F13A1: variants seen among roughly 807,000 people sequenced by gnomAD.
F13A1 encodes the protein coagulation factor XIII A chain, also known as FSF, A subunit.
A neutral mutation model predicts 80.1 loss-of-function variants in F13A1; 47 were observed. The observed-to-expected ratio is 0.59, with a 90% CI of 0.46 to 0.75. The LOEUF is 0.75. Ranked by LOEUF, F13A1 falls within the 30% of genes least tolerant of loss-of-function variation. The pLI, the probability that F13A1 is intolerant of heterozygous loss-of-function variation, is 0.00. For missense variants in F13A1, 817 were observed against 930.4 expected, an observed-to-expected ratio of 0.88 and a Z score of 1.59; for synonymous variants, 349 against 344.9, an observed-to-expected ratio of 1.01 and a Z score of -0.13.
At position 6,226,081 on chromosome 6, in the gene F13A1, G is replaced by A. The variant is rs1757272321; in HGVS notation, c.799-1221C>T. 5.3e-5 allele frequency among the ~76,000 whole-genome samples: 8 copies of A among 152,356 alleles called. No individual in the cohort carries two copies. The South Asian group carries it at 1.7e-3, about 32-fold the overall frequency. On this transcript the variant is annotated intron_variant, in intron 6 of 14. Coordinates refer to ENST00000264870, the MANE Select transcript of F13A1 (RefSeq NM_000129.4). Reference sequence around the variant, plus strand: ...GTTTACATAGTAAAACAAAGGCCAAGAGGTAACAGTTTCAAGGCATCTTGC... The same window carrying A: ...GTTTACATAGTAAAACAAAGGCCAAAAGGTAACAGTTTCAAGGCATCTTGC...
rs77149559 is a variant in F13A1 at position 6,198,389 on chromosome 6, T to C, written c.1113-1063A>G. The stretch of plus-strand genomic sequence containing the variant: ...CCCTCAGCACTATAGAAAATGTTCA[T>C]ATAGTAATAAAGAAAGATTTAATAA... On this transcript the variant is annotated intron_variant, in intron 8 of 14. Coordinates refer to ENST00000264870, the MANE Select transcript of F13A1 (RefSeq NM_000129.4). Among the ~76,000 whole-genome samples, 1,459 of 152,304 alleles carry C rather than the reference T, an allele frequency of 9.6e-3. 27 individuals carry two copies. Among genetic ancestry groups the C allele is most frequent in the African/African-American group, 0.034 (1,405 of 41,558 alleles).
At chr6:6,161,725 G>A (rs1352378145) in intron 13 of F13A1, among the ~76,000 whole-genome samples, 1 of 152,158 alleles carries the variant, frequency 6.6e-6, no homozygotes, top group African/African-American at 2.4e-5. Flanking sequence ...CTGTTTCCAT[G>A]TGAGGATCAC....
chr6:6,191,805 C>T (rs761668150), intron 10 of F13A1, among the ~76,000 whole-genome samples: 1 of 152,252 alleles, frequency 6.6e-6, no homozygotes, highest in Non-Finnish European at 1.5e-5. Context: ...CTTCCTGGCA[C>T]TGGACCCTAG....
At chr6:6,193,586 C>CAAATTGT in intron 10 of F13A1, among the ~76,000 whole-genome samples, 1 of 152,366 alleles carries the variant, frequency 6.6e-6, no homozygotes, top group Non-Finnish European at 1.5e-5. Flanking sequence ...CTCTGTCAGA[C>CAAATTGT]ACGCCTCTGC....
chr6:6,190,243 C>G (rs1414421703), intron 10 of F13A1, among the ~76,000 whole-genome samples: 1 of 152,214 alleles, frequency 6.6e-6, no homozygotes, highest in East Asian at 1.9e-4. Flanking sequence ...CGTTCTCCGT[C>G]CAGCTTTGTT....
At chr6:6,148,577 G>A (rs561105367) in intron 14 of F13A1, among the ~76,000 whole-genome samples, 5 of 152,128 alleles carry the variant, frequency 3.3e-5, no homozygotes, top group African/African-American at 4.8e-5. Context: ...TGGATCTGGC[G>A]CTCCTAGATC....
chr6:6,312,672 C>T (rs544188807), intron 2 of F13A1, among the ~76,000 whole-genome samples: 4 of 149,646 alleles, frequency 2.7e-5, no homozygotes, highest in Admixed American at 1.3e-4. Context: ...AGCAAGACTC[C>T]GTCTCAAAAC....
intron 8 of F13A1, among the ~76,000 whole-genome samples, chr6:6,204,435 A>G (rs191714832): frequency 2.0e-4 from 31 of 152,368 alleles, no homozygotes; most frequent in Admixed American, 4.6e-4. Context: ...GGTGAAAGAA[A>G]GGCACTGTCT....
chr6:6,268,676 A>T (rs1033835200), intron 3 of F13A1, among the ~76,000 whole-genome samples: 11 of 149,506 alleles, frequency 7.4e-5, no homozygotes, highest in Admixed American at 6.7e-5. Flanking sequence ...GGGCTGGCTG[A>T]GGGGGCACTC....
intron 13 of F13A1, among the ~76,000 whole-genome samples, chr6:6,164,522 G>A (rs1760630762): frequency 6.6e-6 from 1 of 151,450 alleles, no homozygotes; most frequent in African/African-American, 2.4e-5. Flanking sequence ...AGGAAGGAAG[G>A]AAGGAGAAAA....
At chr6:6,200,549 T>TAAAAAA (rs60759542) in intron 8 of F13A1, among the ~76,000 whole-genome samples, 1 of 105,200 alleles carries the variant, frequency 9.5e-6, no homozygotes. Context: ...AGACCCTGTC[T>TAAAAAA]AAAAAAAAAA....
In F13A1 at chr6:6,281,475, G is replaced by T. The variant is rs573841084; in HGVS notation, c.320-14666C>A. 1.6e-4 allele frequency among the ~76,000 whole-genome samples: 24 copies of T among 152,274 alleles called. No homozygotes were observed. The South Asian group carries it at 4.8e-3, about 30-fold the overall frequency. ...GAATAATCAGGATCTGAATTCCACT[G>T]ATTCCTCCCTAAGGGACGACACTAG... On this transcript the variant is annotated intron_variant, in intron 3 of 14. Transcript: ENST00000264870.
At chr6:6,248,535 A>G (rs1757586498) in intron 5 of F13A1, 116 bp from the exon 6 acceptor site, 1 of 768,348 alleles carries the variant, frequency 1.3e-6, no homozygotes, top group African/African-American at 1.7e-5. Flanking sequence ...TGTTTCCTGT[A>G]TAGTGATCTC....
chr6:6,291,698 C>T (rs914547298), intron 3 of F13A1, among the ~76,000 whole-genome samples: 2 of 152,166 alleles, frequency 1.3e-5, no homozygotes, highest in Admixed American at 6.5e-5. Context: ...TTTATCTGCT[C>T]ATTTGGTCTT....
At chr6:6,289,930 A>G (rs1044283203) in intron 3 of F13A1, among the ~76,000 whole-genome samples, 1 of 151,948 alleles carries the variant, frequency 6.6e-6, no homozygotes, top group Non-Finnish European at 1.5e-5. Flanking sequence ...TATTCTTGCC[A>G]TCAGTCACTC....
At chr6:6,260,662 A>G (rs1351156199) in intron 4 of F13A1, among the ~76,000 whole-genome samples, 1 of 152,152 alleles carries the variant, frequency 6.6e-6, no homozygotes, top group Non-Finnish European at 1.5e-5. Flanking sequence ...CCGGGAAACC[A>G]CACAATAAGT....
chr6:6,206,648 C>T, intron 8 of F13A1: 1 of 457,222 alleles, frequency 2.2e-6, no homozygotes, highest in Middle Eastern at 3.3e-4. Context: ...TTCCAACCTT[C>T]AAAGAGCAAT....
chr6:6,192,308 G>A (rs1761215357), intron 10 of F13A1, among the ~76,000 whole-genome samples: 1 of 152,150 alleles, frequency 6.6e-6, no homozygotes. Context: ...CTCTTGCTCT[G>A]TGGGGAATAG....
chr6:6,151,721 G>A, intron 14 of F13A1, 92 bp downstream of exon 14: 1 of 1,551,774 alleles, frequency 6.4e-7, no homozygotes, highest in Non-Finnish European at 8.9e-7. Context: ...CATTTTCACT[G>A]GGGAGCAGAT....
Sources: allele counts gnomAD v4.1 joint callset (sites outside exome capture counted in the v4.1 genomes callset), GRCh38; gene constraint gnomAD v4.1.1; transcripts MANE v1.5; gene names NCBI Gene and HGNC (gene_info 2026-07-23, HGNC 2026-07-21).